CDO1: variants seen among roughly 807,000 people sequenced by gnomAD.
CDO1 encodes cysteine dioxygenase, type I.
In CDO1, 19 loss-of-function variants were observed where a neutral mutation model predicts 24.5. The observed-to-expected ratio is 0.77, with a 90% confidence interval of 0.54 to 1.14. CDO1 has a LOEUF of 1.14. Ranked by LOEUF, CDO1 falls within the 50% of genes most tolerant of loss-of-function variation. The pLI is 0.00. For missense variants in CDO1, 244 were observed against 244.8 expected, an observed-to-expected ratio of 1.00 and a Z score of 0.02; for synonymous variants, 91 against 87.0, an observed-to-expected ratio of 1.05 and a Z score of -0.26.
At chr5:115,805,773 A>G (rs1759920883) in intron 4 of CDO1, among the ~76,000 whole-genome samples, 1 of 152,222 alleles carries the variant, frequency 6.6e-6, no homozygotes, top group African/African-American at 2.4e-5. Context: ...ATTAAAGACT[A>G]TTCCTCTAAA....
chr5:115,806,381 A>C lies in CDO1; in HGVS notation c.541T>G (p.Phe181Val). ...GTTCTGATTCCAAATTTACTATGGAATGTCATTGTGACTTTGTTTTTATGT... is the reference window on the plus strand; with the variant it reads ...GTTCTGATTCCAAATTTACTATGGACTGTCATTGTGACTTTGTTTTTATGT... ...TGHKNKVTMT[F>V]HSKFGIRTPN... Residue 181 changes from phenylalanine (F) to valine (V), a missense_variant, in exon 4 of 5, where the codon TTC becomes GTC. Physicochemically the swap from Phe to Val is conservative, Grantham distance 50. Transcript: ENST00000250535. The C allele has an allele frequency of 6.2e-7, 1 of 1,606,116 alleles. No individual in the cohort carries two copies. The highest frequency in any genetic ancestry group is 8.5e-7 in the Non-Finnish European group (1 of 1,177,982).
Position 115,808,172 on chromosome 5 carries a change from T to A in CDO1, c.404-1654A>T, listed in dbSNP as rs184751721. ...TTTTGTATTTTTGGTAGAGATGGGG[T>A]TTCAACATGTTGTCCAGGCTGTTCT... On this transcript the variant is annotated intron_variant, in intron 3 of 4. Transcript: ENST00000250535. Among the ~76,000 whole-genome samples, 122 of 152,054 alleles carry A rather than the reference T, an allele frequency of 8.0e-4. 1 individual carries two copies. The highest frequency in any genetic ancestry group is 2.9e-4 in the Non-Finnish European group (20 of 67,974).
intron 2 of CDO1, among the ~76,000 whole-genome samples, chr5:115,812,564 A>C (rs1760235226): frequency 6.6e-6 from 1 of 152,198 alleles, no homozygotes; most frequent in African/African-American, 2.4e-5. Context: ...TGTCAAGTGT[A>C]AACACAATTT....
At chr5:115,815,993 C>G (rs894424387) in intron 1 of CDO1, among the ~76,000 whole-genome samples, 2 of 152,234 alleles carry the variant, frequency 1.3e-5, no homozygotes, top group Non-Finnish European at 2.9e-5. Flanking sequence ...GCCTGTCCGC[C>G]GTTCCCGGCC....
Position 115,805,247 on chromosome 5 carries a change from T to C in CDO1, c.*186A>G. On this transcript the variant is annotated 3_prime_UTR_variant, in exon 5 of 5. Coordinates refer to ENST00000250535, the MANE Select transcript of CDO1 (RefSeq NM_001801.3). ...GACTTTCTTTTCCTCAGTGGGACTT[T>C]TCTTCTGCAGTAGCTGAGGGCACTA... 1.9e-6 allele frequency: 1 copy of C among 513,084 alleles called. No homozygotes were observed. Among genetic ancestry groups the C allele is most frequent in the Non-Finnish European group, 3.5e-6 (1 of 288,250 alleles). 31.8% of individuals were successfully genotyped at this position (513,084 alleles called of 1,614,324 possible).
intron 1 of CDO1, among the ~76,000 whole-genome samples, chr5:115,814,819 T>C (rs1444043505): frequency 6.6e-6 from 1 of 152,216 alleles, no homozygotes; most frequent in African/African-American, 2.4e-5. Context: ...CTAGTGCAAG[T>C]CATTCAACTT....
intron 3 of CDO1, among the ~76,000 whole-genome samples, chr5:115,809,373 T>G (rs942953350): frequency 6.6e-6 from 1 of 152,164 alleles, no homozygotes; most frequent in Non-Finnish European, 1.5e-5. Context: ...CTCATTACAA[T>G]AGGCAACTTG....
chr5:115,816,448 G>T lies in CDO1; in HGVS notation c.-51C>A, dbSNP rs1760454681. 1.3e-6 allele frequency: 2 copies of T among 1,595,600 alleles called. No individual in the cohort carries two copies. The highest frequency in any genetic ancestry group is 1.1e-5 in the South Asian group (1 of 89,964). ...GTCTCACTGCTGGGCTGCGGTGGAG[G>T]AGCTGAGCGAGCCAAGGAGCTGGGG... On this transcript the variant is annotated 5_prime_UTR_variant, in exon 1 of 5. Coordinates refer to ENST00000250535, the MANE Select transcript of CDO1 (RefSeq NM_001801.3).
intron 3 of CDO1, among the ~76,000 whole-genome samples, chr5:115,810,562 T>C (rs1760143229): frequency 6.6e-6 from 1 of 152,232 alleles, no homozygotes; most frequent in African/African-American, 2.4e-5. Context: ...ATCTGTCTCA[T>C]ATACATTTTA....
intron 3 of CDO1, among the ~76,000 whole-genome samples, chr5:115,807,092 C>G (rs1306232350): frequency 6.6e-6 from 1 of 152,002 alleles, no homozygotes; most frequent in African/African-American, 2.4e-5. Flanking sequence ...CAACTTGGGA[C>G]TGATGGAAAT....
intron 2 of CDO1, among the ~76,000 whole-genome samples, chr5:115,812,802 C>T (rs971159836): frequency 8.6e-5 from 13 of 152,040 alleles, no homozygotes; most frequent in African/African-American, 2.9e-4. Context: ...AATCCCAGCA[C>T]TTTGGGATGC....
Position 115,806,402 on chromosome 5 carries a change from T to C in CDO1, c.520A>G (p.Lys174Glu). The C allele has an allele frequency of 6.2e-7, 1 of 1,610,012 alleles. No homozygotes were observed. The highest frequency in any genetic ancestry group is 8.5e-7 in the Non-Finnish European group (1 of 1,178,860). The change falls in exon 4 of 5, where the codon AAA (lysine) becomes GAA (glutamate). Residue 174 changes from lysine (K) to glutamate (E), a missense_variant. Physicochemically the swap from Lys to Glu is moderately conservative, Grantham distance 56. Coordinates refer to ENST00000250535, the MANE Select transcript of CDO1 (RefSeq NM_001801.3). Reference sequence around the variant, plus strand: ...TGGAATGTCATTGTGACTTTGTTTTTATGTCCTGTTCTTTGATCAAAGGCA... The same window carrying C: ...TGGAATGTCATTGTGACTTTGTTTTCATGTCCTGTTCTTTGATCAAAGGCA... ...CHAFDQRTGH[K>E]NKVTMTFHSK... is the part of the protein sequence containing the mutation.
chr5:115,815,940 G>A (rs1265570364), intron 1 of CDO1, among the ~76,000 whole-genome samples: 1 of 152,242 alleles, frequency 6.6e-6, no homozygotes, highest in East Asian at 1.9e-4. Context: ...GGAGAGAAGA[G>A]AACAGAAAAT....
In CDO1 at chr5:115,806,379, G is replaced by A; in HGVS notation, c.543C>T (p.Phe181=). 1.2e-6 allele frequency: 2 copies of A among 1,605,058 alleles called. No individual in the cohort carries two copies. Among genetic ancestry groups the A allele is most frequent in the Non-Finnish European group, 1.7e-6 (2 of 1,177,650 alleles). The part of the protein sequence containing the change: ...TGHKNKVTMT[F]HSKFGIRTPN... ...GAGTTCTGATTCCAAATTTACTATG[G>A]AATGTCATTGTGACTTTGTTTTTAT... The change falls in exon 4 of 5, where the codon TTC becomes TTT. Residue 181 remains phenylalanine, a synonymous_variant. Coordinates refer to ENST00000250535, the MANE Select transcript of CDO1 (RefSeq NM_001801.3).
chr5:115,813,037 A>G, intron 2 of CDO1, 144 bp downstream of exon 2: 1 of 527,502 alleles, frequency 1.9e-6, no homozygotes, highest in Non-Finnish European at 3.3e-6. Context: ...ACAAGAGTGA[A>G]CCACTGTCTC....
Position 115,805,360 on chromosome 5 carries a change from G to T in CDO1, c.*73C>A. 7.8e-7 allele frequency: 1 copy of T among 1,274,452 alleles called. No homozygotes were observed. Among genetic ancestry groups the T allele is most frequent in the Non-Finnish European group, 1.1e-6 (1 of 879,732 alleles). The allele number at this position is 1,274,452 out of a possible 1,614,324, so 78.9% of individuals were successfully genotyped here. A position where few individuals can be genotyped will look rare whatever the true frequency, so the allele number is the denominator to read the frequency against. ...TTAAGTATATTACTGGATAGCACGT[G>T]GTAGGTAGCCTTTTTGTCCAAGGCA... On this transcript the variant is annotated 3_prime_UTR_variant, in exon 5 of 5. Coordinates refer to ENST00000250535, the MANE Select transcript of CDO1 (RefSeq NM_001801.3).
intron 3 of CDO1, among the ~76,000 whole-genome samples, chr5:115,806,827 C>G (rs1374119879): frequency 6.6e-6 from 1 of 152,120 alleles, no homozygotes; most frequent in Non-Finnish European, 1.5e-5. Context: ...CTTTACAGAG[C>G]AGAGAAAGCT....
At chr5:115,810,693 T>A (rs1760149295) in intron 3 of CDO1, among the ~76,000 whole-genome samples, 1 of 152,198 alleles carries the variant, frequency 6.6e-6, no homozygotes, top group Non-Finnish European at 1.5e-5. Context: ...CTTGGTAAGA[T>A]ATGTATAAAT....
chr5:115,813,462 G>C (rs1760286867), intron 1 of CDO1, among the ~76,000 whole-genome samples: 1 of 152,134 alleles, frequency 6.6e-6, no homozygotes, highest in Non-Finnish European at 1.5e-5. Flanking sequence ...TGCATTTACA[G>C]AGGTAGCTGC....
Sources: gnomAD v4.1 joint callset for allele counts (sites outside exome capture counted in the v4.1 genomes callset) on GRCh38, gnomAD v4.1.1 for gene constraint, MANE v1.5 for transcripts, NCBI Gene and HGNC (gene_info 2026-07-23, HGNC 2026-07-21) for gene names.